The following ADAMTS17 variants were observed in gnomAD, a reference collection of about 807,000 sequenced individuals.
ADAMTS17 encodes the protein A disintegrin and metalloproteinase with thrombospondin motifs 17.
A neutral mutation model predicts 141.5 loss-of-function variants in ADAMTS17; 113 were observed. That is an observed-to-expected ratio of 0.80 (90% CI 0.69 to 0.93). The LOEUF is 0.93. Ranked by LOEUF, ADAMTS17 falls within the 40% of genes least tolerant of loss-of-function variation. The pLI, the probability that ADAMTS17 is intolerant of heterozygous loss-of-function variation, is 0.00. For synonymous variants in ADAMTS17, 768 were observed against 630.6 expected, an observed-to-expected ratio of 1.22 and a Z score of -3.27; for missense variants, 1,659 against 1,517.9, an observed-to-expected ratio of 1.09 and a Z score of -1.54.
intron 20 of ADAMTS17, among the ~76,000 whole-genome samples, chr15:99,987,674 T>G (rs1360978630): frequency 6.6e-6 from 1 of 152,144 alleles, no homozygotes; most frequent in East Asian, 1.9e-4. Flanking sequence ...TGGAATCTAA[T>G]TAGAGAGGTC....
intron 7 of ADAMTS17, among the ~76,000 whole-genome samples, chr15:100,211,020 A>T (rs1182811486): frequency 6.6e-6 from 1 of 151,928 alleles, no homozygotes; most frequent in East Asian, 1.9e-4. Flanking sequence ...GAATGGCGTG[A>T]ATCTGGGAGG....
At chr15:99,990,940 C>G (rs1207716448) in intron 20 of ADAMTS17, among the ~76,000 whole-genome samples, 1 of 152,126 alleles carries the variant, frequency 6.6e-6, no homozygotes, top group Non-Finnish European at 1.5e-5. Context: ...CTATTTAATA[C>G]CCGGTGTTGG....
chr15:100,225,620 C>T (rs56220810), intron 7 of ADAMTS17, among the ~76,000 whole-genome samples: 34 of 148,860 alleles, frequency 2.3e-4, no homozygotes, highest in African/African-American at 7.2e-4. Flanking sequence ...ACAGCAGTCA[C>T]GGTCTCTGTG....
intron 8 of ADAMTS17, among the ~76,000 whole-genome samples, chr15:100,185,019 C>T (rs564915240): frequency 6.6e-6 from 1 of 152,316 alleles, no homozygotes; most frequent in East Asian, 1.9e-4. Flanking sequence ...GGGCCAAGAG[C>T]GCCTGCCTCC....
At chr15:100,136,810 C>T (rs530659800) in intron 10 of ADAMTS17, among the ~76,000 whole-genome samples, 2 of 152,254 alleles carry the variant, frequency 1.3e-5, no homozygotes, top group East Asian at 1.9e-4. Context: ...GAAAAAATGG[C>T]GCAAAATAAT....
At chr15:100,073,265 A>T (rs971314892) in intron 15 of ADAMTS17, among the ~76,000 whole-genome samples, 3 of 152,208 alleles carry the variant, frequency 2.0e-5, no homozygotes, top group Non-Finnish European at 4.4e-5. Flanking sequence ...AGGAAACAAC[A>T]GGTGCTGGAG....
intron 8 of ADAMTS17, among the ~76,000 whole-genome samples, chr15:100,163,485 A>G (rs2039822442): frequency 1.3e-5 from 2 of 152,022 alleles, no homozygotes; most frequent in Non-Finnish European, 2.9e-5. Flanking sequence ...TGAAATCTAA[A>G]TTTTATAATT....
intron 3 of ADAMTS17, among the ~76,000 whole-genome samples, chr15:100,283,105 C>G (rs1027801881): frequency 6.6e-6 from 1 of 152,178 alleles, no homozygotes; most frequent in Non-Finnish European, 1.5e-5. Flanking sequence ...CTTTTAAACT[C>G]TAAACGATAA....
At chr15:100,188,724 T>C (rs890235333) in intron 8 of ADAMTS17, among the ~76,000 whole-genome samples, 1 of 152,172 alleles carries the variant, frequency 6.6e-6, no homozygotes. Context: ...CTAAGAAACC[T>C]GTCTCCAGGT....
intron 3 of ADAMTS17, among the ~76,000 whole-genome samples, chr15:100,283,210 T>C (rs1480110026): frequency 6.6e-6 from 1 of 152,162 alleles, no homozygotes; most frequent in Non-Finnish European, 1.5e-5. Context: ...GCCTCCTCCC[T>C]CAGAGCCAGG....
intron 10 of ADAMTS17, among the ~76,000 whole-genome samples, chr15:100,146,368 T>C (rs1479047340): frequency 6.6e-6 from 1 of 152,230 alleles, no homozygotes; most frequent in Admixed American, 6.5e-5. Flanking sequence ...CTTATGCCTG[T>C]CTTTACTGCA....
At chr15:100,278,888 C>T (rs1358044237) in intron 4 of ADAMTS17, among the ~76,000 whole-genome samples, 1 of 152,270 alleles carries the variant, frequency 6.6e-6, no homozygotes, top group South Asian at 2.1e-4. Context: ...CTGGCAATGT[C>T]CCTGAGCCTC....
At chr15:100,063,558 T>C (rs1198198382) in intron 15 of ADAMTS17, 1 of 870,404 alleles carries the variant, frequency 1.1e-6, no homozygotes, top group Non-Finnish European at 1.6e-6. Flanking sequence ...CTCATGTCAT[T>C]ACAACACAGG....
At chr15:100,021,031 T>C (rs1049029314) in intron 18 of ADAMTS17, among the ~76,000 whole-genome samples, 2 of 152,206 alleles carry the variant, frequency 1.3e-5, no homozygotes, top group African/African-American at 4.8e-5. Flanking sequence ...TTTCCTTGGT[T>C]CAGTCTGTGG....
chr15:100,109,671 T>G (rs1053078586), intron 13 of ADAMTS17, among the ~76,000 whole-genome samples: 4 of 152,030 alleles, frequency 2.6e-5, no homozygotes, highest in African/African-American at 9.7e-5. Flanking sequence ...AGGGGACATG[T>G]GCGCCGCTAG....
intron 15 of ADAMTS17, among the ~76,000 whole-genome samples, chr15:100,059,652 T>C (rs564121798): frequency 1.8e-4 from 27 of 152,312 alleles, no homozygotes; most frequent in Non-Finnish European, 2.6e-4. Flanking sequence ...AATAGGTTCA[T>C]TGTGGAGTCC....
intron 10 of ADAMTS17, among the ~76,000 whole-genome samples, chr15:100,141,048 C>T (rs565251157): frequency 1.3e-5 from 2 of 152,260 alleles, no homozygotes; most frequent in African/African-American, 2.4e-5. Flanking sequence ...GCTTGAGTTG[C>T]GGTGGAAAGT....
chr15:100,146,558 G>A (rs1011839930), intron 10 of ADAMTS17, among the ~76,000 whole-genome samples: 4 of 152,184 alleles, frequency 2.6e-5, no homozygotes, highest in African/African-American at 9.7e-5. Context: ...CAGCATGTGT[G>A]TTTGAACAAA....
intron 8 of ADAMTS17, among the ~76,000 whole-genome samples, chr15:100,170,817 C>G (rs1319712660): frequency 6.6e-6 from 1 of 152,210 alleles, no homozygotes; most frequent in Non-Finnish European, 1.5e-5. Context: ...ATTGAATAAG[C>G]TTTCTACTGA....
Sources: allele counts gnomAD v4.1 joint callset (sites outside exome capture counted in the v4.1 genomes callset), GRCh38; gene constraint gnomAD v4.1.1; transcripts MANE v1.5; gene names NCBI Gene and HGNC (gene_info 2026-07-23, HGNC 2026-07-21).